LMNB1: variants seen among roughly 807,000 people sequenced by gnomAD.
LMNB1 encodes the protein lamin B1.
In LMNB1, 23 loss-of-function variants were observed where a neutral mutation model predicts 67.1. The observed-to-expected ratio is 0.34, with a 90% CI of 0.25 to 0.49. The LOEUF (loss-of-function observed/expected upper bound fraction) is 0.49. LMNB1 is among the 20% of genes least tolerant of loss of function. The probability of loss-of-function intolerance (pLI) is 0.99; values close to 1 mark genes in which losing one functional copy is unlikely to be tolerated. For missense variants in LMNB1, 634 were observed against 746.5 expected (o/e 0.85, Z 1.76); for synonymous variants, 281 against 282.9 (o/e 0.99, Z 0.07).
chr5:126,792,958 T>C (rs778620772), intron 1 of LMNB1, among the ~76,000 whole-genome samples: 47 of 152,302 alleles, frequency 3.1e-4, no homozygotes, highest in Middle Eastern at 3.4e-3. Context: ...AGAGGAGCAA[T>C]AATGATGCTT....
chr5:126,828,957 G>A (rs1454187480), intron 9 of LMNB1, among the ~76,000 whole-genome samples: 1 of 152,030 alleles, frequency 6.6e-6, no homozygotes, highest in Non-Finnish European at 1.5e-5. Context: ...AAAGTATTAT[G>A]AATACAGGTC....
At chr5:126,812,810 G>C (rs574166089) in intron 5 of LMNB1, among the ~76,000 whole-genome samples, 1 of 145,772 alleles carries the variant, frequency 6.9e-6, no homozygotes, top group Admixed American at 7.0e-5. Context: ...GGCTCACTGT[G>C]AGCTCCGCCT....
intron 1 of LMNB1, among the ~76,000 whole-genome samples, chr5:126,804,415 A>T (rs1003391100): frequency 2.0e-5 from 3 of 152,078 alleles, no homozygotes; most frequent in African/African-American, 7.2e-5. Flanking sequence ...GTTTTGGCTT[A>T]TAATATGCAT....
chr5:126,803,344 C>G (rs1751335686), intron 1 of LMNB1, among the ~76,000 whole-genome samples: 1 of 151,554 alleles, frequency 6.6e-6, no homozygotes, highest in African/African-American at 2.4e-5. Flanking sequence ...CTCCTGGGTT[C>G]AAGTGATTCT....
rs11430160 is a variant in LMNB1 at position 126,812,718 on chromosome 5, CTTTTTTTTTTTTT to C, written c.939+832_939+844del. ...CCACATGAGAATAAACTTTATTTTA[CTTTTTTTTTTTTT>C]TTTTTTTTTTTCTTTTTGAGATGGA... On this transcript the variant is annotated intron_variant, in intron 5 of 10. Transcript: ENST00000261366. Among the ~76,000 whole-genome samples the C allele has an allele frequency of 3.1e-4, 36 of 117,138 alleles. 1 individual carries two copies. Among genetic ancestry groups the C allele is most frequent in the African/African-American group, 9.9e-4 (29 of 29,418 alleles). 76.8% of individuals were successfully genotyped at this position (117,138 alleles called of 152,430 possible). A position where few individuals can be genotyped will look rare whatever the true frequency, so the allele number is the denominator to read the frequency against.
intron 1 of LMNB1, among the ~76,000 whole-genome samples, chr5:126,792,872 G>A (rs1381184715): frequency 6.6e-6 from 1 of 152,104 alleles, no homozygotes; most frequent in Non-Finnish European, 1.5e-5. Context: ...CACCGCGCCC[G>A]GCAGCACTAG....
chr5:126,798,293 C>CA (rs770572019), intron 1 of LMNB1, among the ~76,000 whole-genome samples: 1 of 151,928 alleles, frequency 6.6e-6, no homozygotes, highest in Non-Finnish European at 1.5e-5. Context: ...ACTAAAAATA[C>CA]AAAAAAATTA....
chr5:126,777,982 C>A (rs941548784), intron 1 of LMNB1, 115 bp downstream of exon 1: 2 of 937,124 alleles, frequency 2.1e-6, no homozygotes, highest in Non-Finnish European at 2.9e-6. Context: ...TGCACGCGTC[C>A]TTCTGAAGGA....
chr5:126,777,902 G>A (rs1377217829), intron 1 of LMNB1, 35 bp downstream of exon 1: 2 of 1,383,582 alleles, frequency 1.4e-6, no homozygotes, highest in South Asian at 1.6e-5. Flanking sequence ...TAGCGCCAAG[G>A]AGGGGCGGGG....
At chr5:126,804,421 T>G (rs1041294205) in intron 1 of LMNB1, among the ~76,000 whole-genome samples, 1 of 152,120 alleles carries the variant, frequency 6.6e-6, no homozygotes, top group African/African-American at 2.4e-5. Flanking sequence ...GCTTATAATA[T>G]GCATTATATT....
At chr5:126,807,163 A>G (rs1275156027) in intron 3 of LMNB1, among the ~76,000 whole-genome samples, 1 of 152,218 alleles carries the variant, frequency 6.6e-6, no homozygotes, top group East Asian at 1.9e-4. Flanking sequence ...CAAACAAAGG[A>G]AGTAATAAAA....
chr5:126,822,924 T>C (rs1404707434), intron 8 of LMNB1, 39 bp downstream of exon 8: 1 of 1,313,246 alleles, frequency 7.6e-7, no homozygotes, highest in Admixed American at 1.8e-5. Context: ...AACTTCATTG[T>C]GTTAACTAAC....
chr5:126,787,831 G>A (rs1465751297), intron 1 of LMNB1, among the ~76,000 whole-genome samples: 1 of 151,860 alleles, frequency 6.6e-6, no homozygotes, highest in South Asian at 2.1e-4. Flanking sequence ...GATTACAGGT[G>A]TGAGCCACTG....
chr5:126,787,546 A>ATATATTTTTTTTTTTTTTTTTTTTTTTT, intron 1 of LMNB1, among the ~76,000 whole-genome samples: 1 of 65,574 alleles, frequency 1.5e-5, no homozygotes, highest in Non-Finnish European at 2.7e-5. Flanking sequence ...ATATATATAT[A>ATATATTTTTTTTTTTTTTTTTTTTTTTT]TTTTTTTTTT....
At chr5:126,827,361 G>A (rs573084901) in intron 9 of LMNB1, among the ~76,000 whole-genome samples, 2 of 152,278 alleles carry the variant, frequency 1.3e-5, no homozygotes, top group African/African-American at 4.8e-5. Context: ...AGGTAATAAA[G>A]ATAAACTGTG....
chr5:126,822,841 A>G lies in LMNB1; in HGVS notation c.1447A>G (p.Lys483Glu). Residue 483 changes from lysine to glutamate, a missense_variant, in exon 8 of 11, where the codon AAA (lysine) becomes GAA (glutamate). By Grantham distance (56) the Lys-to-Glu change is moderately conservative. Transcript: ENST00000261366. ...RKIGDTSVSY[K>E]YTSRYVLKAG... ...AATTGGAGACACATCAGTCAGTTATAAATATACCTCAAGATATGTGCTGAA... is the reference window on the plus strand; with the variant it reads ...AATTGGAGACACATCAGTCAGTTATGAATATACCTCAAGATATGTGCTGAA... 1 of 1,612,600 alleles carries G rather than the reference A, an allele frequency of 6.2e-7. No homozygotes were observed. The highest frequency in any genetic ancestry group is 8.5e-7 in the Non-Finnish European group (1 of 1,178,726).
At chr5:126,809,091 T>C (rs1580542623) in intron 3 of LMNB1, among the ~76,000 whole-genome samples, 1 of 152,134 alleles carries the variant, frequency 6.6e-6, no homozygotes, top group Non-Finnish European at 1.5e-5. Flanking sequence ...GCCAGGCTGG[T>C]CTTGAACTCC....
At position 126,805,683 on chromosome 5, in the gene LMNB1, G is replaced by A. The variant is rs1480192972; in HGVS notation, c.629G>A (p.Ser210Asn). The change falls in exon 3 of 11, where the codon AGC (serine) becomes AAC (asparagine). Residue 210 changes from serine to asparagine, a missense_variant. Transcript: ENST00000261366. Reference sequence around the variant, plus strand: ...ACTGAGGACTTGGAGTTTCGCAAAAGCATGTATGAAGAGGTAACTATATAT... The same window carrying A: ...ACTGAGGACTTGGAGTTTCGCAAAAACATGTATGAAGAGGTAACTATATAT... ...SLTEDLEFRK[S>N]MYEEEINETR... The A allele has an allele frequency of 6.2e-6, 10 of 1,611,394 alleles. No homozygotes were observed. The highest frequency in any genetic ancestry group is 2.2e-5 in the East Asian group (1 of 44,846).
At chr5:126,785,418 A>C (rs1219673523) in intron 1 of LMNB1, among the ~76,000 whole-genome samples, 1 of 150,186 alleles carries the variant, frequency 6.7e-6, no homozygotes, top group Non-Finnish European at 1.5e-5. Flanking sequence ...CAGCCTCCTG[A>C]TTAGCTGGGA....
Sources: allele counts gnomAD v4.1 joint callset (sites outside exome capture counted in the v4.1 genomes callset), GRCh38; gene constraint gnomAD v4.1.1; transcripts MANE v1.5; gene names NCBI Gene and HGNC (gene_info 2026-07-23, HGNC 2026-07-21).